The following GLRA3 variants were observed in gnomAD, a reference collection of about 807,000 sequenced individuals.
GLRA3 encodes the protein glycine receptor subunit alpha-3.
GLRA3 carries 44 observed loss-of-function variants against 60.4 expected under a neutral mutation model. The ratio of observed to expected loss-of-function variants is 0.73; its 90% CI spans 0.57 to 0.94. The LOEUF is 0.94. GLRA3 is among the 40% of genes least tolerant of loss of function. GLRA3 has a pLI of 0.00. For missense variants in GLRA3, 508 were observed against 564.6 expected, an observed-to-expected ratio of 0.90 and a Z score of 1.02; for synonymous variants, 223 against 192.9, an observed-to-expected ratio of 1.16 and a Z score of -1.29.
intron 5 of GLRA3, among the ~76,000 whole-genome samples, chr4:174,704,947 T>C (rs1243303607): frequency 7.0e-6 from 1 of 142,216 alleles, no homozygotes; most frequent in Non-Finnish European, 1.6e-5. Context: ...AAGGGGGAAA[T>C]GGAGAGTTGT....
intron 5 of GLRA3, among the ~76,000 whole-genome samples, chr4:174,691,016 T>A (rs1734773144): frequency 6.6e-6 from 1 of 152,196 alleles, no homozygotes; most frequent in Admixed American, 6.5e-5. Flanking sequence ...TGATTTATAT[T>A]CTTCTGGGTA....
At chr4:174,751,608 C>T (rs2111196920) in intron 3 of GLRA3, among the ~76,000 whole-genome samples, 1 of 152,222 alleles carries the variant, frequency 6.6e-6, no homozygotes, top group Admixed American at 6.5e-5. Flanking sequence ...TGAATCCCTT[C>T]CTCGTCAGAA....
intron 3 of GLRA3, among the ~76,000 whole-genome samples, chr4:174,731,229 GT>G (rs908242379): frequency 6.6e-6 from 1 of 152,058 alleles, no homozygotes; most frequent in African/African-American, 2.4e-5. Flanking sequence ...TTTCAAAAAT[GT>G]TTTTTTAAGG....
intron 1 of GLRA3, among the ~76,000 whole-genome samples, chr4:174,810,456 A>G (rs1740218372): frequency 6.6e-6 from 1 of 151,584 alleles, no homozygotes; most frequent in South Asian, 2.1e-4. Flanking sequence ...TATTATATAC[A>G]TATGTATTTA....
intron 1 of GLRA3, among the ~76,000 whole-genome samples, chr4:174,820,057 A>C (rs1014195685): frequency 1.3e-5 from 2 of 152,254 alleles, no homozygotes; most frequent in Non-Finnish European, 2.9e-5. Context: ...AGAAACCATC[A>C]CACATGAAAG....
intron 3 of GLRA3, among the ~76,000 whole-genome samples, chr4:174,754,307 G>T (rs537015093): frequency 2.6e-5 from 4 of 152,052 alleles, no homozygotes; most frequent in Non-Finnish European, 5.9e-5. Context: ...ATATGTGATA[G>T]ATCAGAGCAC....
In GLRA3 at chr4:174,829,077, C is replaced by A; in HGVS notation, c.-266G>T. ...GAGTGAGATGAAATGTCTGAAGTGC[C>A]TAGGTGCTGGGCAACAGTTCTCTAA... On this transcript the variant is annotated 5_prime_UTR_variant, in exon 1 of 10. It adds an upstream start codon to the 5' untranslated region. Transcript: ENST00000274093. The A allele has an allele frequency of 2.6e-6, 1 of 383,266 alleles. No individual in the cohort carries two copies. The highest frequency in any genetic ancestry group is 4.8e-6 in the Non-Finnish European group (1 of 207,412). 23.7% of individuals were successfully genotyped at this position (383,266 alleles called of 1,614,324 possible). A position where few individuals can be genotyped will look rare whatever the true frequency, so the allele number is the denominator to read the frequency against.
intron 7 of GLRA3, among the ~76,000 whole-genome samples, chr4:174,675,539 A>G (rs1162989322): frequency 6.6e-6 from 1 of 152,130 alleles, no homozygotes; most frequent in African/African-American, 2.4e-5. Flanking sequence ...TGTTTAGCTC[A>G]TGAAGATCAG....
intron 5 of GLRA3, among the ~76,000 whole-genome samples, chr4:174,692,284 A>T (rs7680053): frequency 6.9e-6 from 1 of 143,920 alleles, no homozygotes; most frequent in African/African-American, 2.6e-5. Context: ...TCAGCACCCC[A>T]CCCGGCCAGC....
At chr4:174,826,977 A>T (rs936849742) in intron 1 of GLRA3, among the ~76,000 whole-genome samples, 2 of 151,644 alleles carry the variant, frequency 1.3e-5, no homozygotes, top group Admixed American at 1.3e-4. Flanking sequence ...TAGAGTGATA[A>T]CCTACTCTCA....
chr4:174,719,265 G>A (rs756230886), intron 4 of GLRA3, among the ~76,000 whole-genome samples: 2 of 151,962 alleles, frequency 1.3e-5, no homozygotes, highest in Non-Finnish European at 2.9e-5. Flanking sequence ...GCCCGGCCTC[G>A]TGCTTTTAAC....
chr4:174,796,656 C>T (rs1413933355), intron 1 of GLRA3, among the ~76,000 whole-genome samples: 3 of 151,988 alleles, frequency 2.0e-5, no homozygotes, highest in Admixed American at 6.6e-5. Flanking sequence ...CCTGCCTCAG[C>T]CCCCCGAGTA....
chr4:174,787,350 T>C (rs1739162624), intron 2 of GLRA3, among the ~76,000 whole-genome samples: 1 of 152,114 alleles, frequency 6.6e-6, no homozygotes, highest in African/African-American at 2.4e-5. Flanking sequence ...CCCGATTATG[T>C]GTCTTGTGGT....
At chr4:174,675,174 T>A in intron 7 of GLRA3, among the ~76,000 whole-genome samples, 1 of 152,124 alleles carries the variant, frequency 6.6e-6, no homozygotes, top group East Asian at 1.9e-4. Flanking sequence ...TGTCATTGTC[T>A]CTATGATCAG....
chr4:174,695,349 T>C (rs1735009278), intron 5 of GLRA3, among the ~76,000 whole-genome samples: 1 of 152,074 alleles, frequency 6.6e-6, no homozygotes, highest in Non-Finnish European at 1.5e-5. Context: ...TACAAAATAA[T>C]TTCAAACTGA....
intron 2 of GLRA3, among the ~76,000 whole-genome samples, chr4:174,780,547 G>A (rs1212426215): frequency 6.8e-6 from 1 of 146,724 alleles, no homozygotes; most frequent in Non-Finnish European, 1.5e-5. Flanking sequence ...AGACCCATCA[G>A]TGTGCTGTAT....
intron 3 of GLRA3, among the ~76,000 whole-genome samples, chr4:174,752,635 G>C (rs1432903210): frequency 6.6e-6 from 1 of 152,118 alleles, no homozygotes; most frequent in African/African-American, 2.4e-5. Flanking sequence ...AGACTTAATG[G>C]AGAAGGAAGC....
intron 3 of GLRA3, among the ~76,000 whole-genome samples, chr4:174,732,595 C>T (rs1265012726): frequency 6.6e-6 from 1 of 152,052 alleles, no homozygotes. Flanking sequence ...GCGTAATAAA[C>T]TGTGCCACGT....
intron 3 of GLRA3, among the ~76,000 whole-genome samples, chr4:174,762,175 T>A (rs1259865730): frequency 2.0e-5 from 3 of 152,144 alleles, no homozygotes; most frequent in African/African-American, 7.2e-5. Context: ...GGTTGTTTTC[T>A]CTCTTTTTCA....
Sources: allele counts gnomAD v4.1 joint callset (sites outside exome capture counted in the v4.1 genomes callset), GRCh38; gene constraint gnomAD v4.1.1; transcripts MANE v1.5; gene names NCBI Gene and HGNC (gene_info 2026-07-23, HGNC 2026-07-21).